The following CYP19A1 variants were observed in gnomAD, a reference collection of about 807,000 sequenced individuals.
CYP19A1 encodes cytochrome P450 family 19 subfamily A member 1, also known as aromatase.
CYP19A1 carries 32 observed loss-of-function variants against 44.4 expected under a neutral mutation model. The ratio of observed to expected loss-of-function variants is 0.72; its 90% confidence interval spans 0.54 to 0.97. The LOEUF (loss-of-function observed/expected upper bound fraction) is 0.97, where lower values mean the gene tolerates loss of function less well. Among genes scored for constraint, CYP19A1 ranks in the 50% least tolerant of loss-of-function variants. CYP19A1 has a pLI of 0.00. For synonymous variants in CYP19A1, 212 were observed against 215.6 expected (o/e 0.98, Z 0.14); for missense variants, 598 against 637.8 (o/e 0.94, Z 0.67).
At chr15:51,254,916 T>C (rs992530754) in intron 1 of CYP19A1, among the ~76,000 whole-genome samples, 1 of 152,176 alleles carries the variant, frequency 6.6e-6, no homozygotes, top group South Asian at 2.1e-4. Context: ...TTACTTAATA[T>C]GTGCTCATTT....
intron 1 of CYP19A1, among the ~76,000 whole-genome samples, chr15:51,276,846 T>C (rs2035326607): frequency 1.3e-5 from 2 of 152,242 alleles, no homozygotes; most frequent in South Asian, 4.1e-4. Context: ...GAGGTGCCTT[T>C]GCTTAGAGGA....
intron 1 of CYP19A1, among the ~76,000 whole-genome samples, chr15:51,246,602 CAG>C (rs548887300): frequency 2.5e-4 from 38 of 152,318 alleles, no homozygotes; most frequent in African/African-American, 8.7e-4. Flanking sequence ...CAGCAGAGCC[CAG>C]GTGTCCTGAT....
intron 1 of CYP19A1, among the ~76,000 whole-genome samples, chr15:51,252,249 A>C (rs2034342421): frequency 6.6e-6 from 1 of 152,052 alleles, no homozygotes; most frequent in South Asian, 2.1e-4. Flanking sequence ...GCTCTGGAGA[A>C]ACACACTCGG....
intron 1 of CYP19A1, among the ~76,000 whole-genome samples, chr15:51,302,687 C>G (rs1047731818): frequency 6.6e-6 from 1 of 152,244 alleles, no homozygotes; most frequent in East Asian, 1.9e-4. Context: ...CACCTCCAAT[C>G]TCTGCCTGTG....
At chr15:51,269,237 T>C (rs538743170) in intron 1 of CYP19A1, among the ~76,000 whole-genome samples, 1 of 152,274 alleles carries the variant, frequency 6.6e-6, no homozygotes, top group African/African-American at 2.4e-5. Context: ...ATTTTTTCTT[T>C]CTTATGGATA....
At chr15:51,238,707 C>T (rs746749503) in intron 2 of CYP19A1, among the ~76,000 whole-genome samples, 9 of 152,232 alleles carry the variant, frequency 5.9e-5, no homozygotes, top group Middle Eastern at 3.4e-3. Context: ...TAAGCTGTGA[C>T]GCAGGAGAGA....
chr15:51,265,454 T>G (rs994138091), intron 1 of CYP19A1, among the ~76,000 whole-genome samples: 1 of 152,094 alleles, frequency 6.6e-6, no homozygotes, highest in African/African-American at 2.4e-5. Context: ...TGGGGACAGA[T>G]AGAAAGTCTC....
At chr15:51,245,212 G>A (rs1220206739) in intron 1 of CYP19A1, among the ~76,000 whole-genome samples, 1 of 152,188 alleles carries the variant, frequency 6.6e-6, no homozygotes, top group Non-Finnish European at 1.5e-5. Context: ...GACTGTTTGT[G>A]TGTCTAAAAT....
chr15:51,245,323 A>T (rs185024159), intron 1 of CYP19A1, among the ~76,000 whole-genome samples: 1 of 152,288 alleles, frequency 6.6e-6, no homozygotes, highest in Non-Finnish European at 1.5e-5. Context: ...GGGTAAGAAT[A>T]TATTTTATTT....
chr15:51,281,301 T>C (rs1386567337), intron 1 of CYP19A1, among the ~76,000 whole-genome samples: 2 of 152,194 alleles, frequency 1.3e-5, no homozygotes, highest in Non-Finnish European at 2.9e-5. Flanking sequence ...GAAACATGAC[T>C]GACTAGGTAA....
intron 1 of CYP19A1, among the ~76,000 whole-genome samples, chr15:51,269,384 AT>A (rs2035043849): frequency 6.6e-6 from 1 of 151,862 alleles, no homozygotes; most frequent in African/African-American, 2.4e-5. Context: ...CTATATGTTT[AT>A]TTTTTGCCAA....
intron 1 of CYP19A1, among the ~76,000 whole-genome samples, chr15:51,333,840 G>A (rs1223805864): frequency 6.6e-6 from 1 of 152,154 alleles, no homozygotes; most frequent in Non-Finnish European, 1.5e-5. Context: ...GGAGAGGTGA[G>A]GCATATCTAT....
chr15:51,306,060 C>T (rs1318997906), intron 1 of CYP19A1, among the ~76,000 whole-genome samples: 1 of 152,086 alleles, frequency 6.6e-6, no homozygotes, highest in Admixed American at 6.5e-5. Flanking sequence ...GCAAAGAAAA[C>T]CTGCTCTCCT....
At position 51,317,405 on chromosome 15, in the gene CYP19A1, G is replaced by A. The variant is rs144828385; in HGVS notation, c.-39+21090C>T. 7.9e-5 allele frequency among the ~76,000 whole-genome samples: 12 copies of A among 152,174 alleles called. No homozygotes were observed. In the East Asian group the frequency reaches 1.7e-3, roughly 22 times the overall value. ...ATTACAGGCGTGAGCCACTGCGCCC[G>A]GCAAGAGAAAAATCACTTCTAACTT... is the stretch of plus-strand genomic sequence containing the variant. On this transcript the variant is annotated intron_variant, in intron 1 of 9. Transcript: ENST00000396402.
At chr15:51,279,588 C>A (rs1453012913) in intron 1 of CYP19A1, among the ~76,000 whole-genome samples, 1 of 152,216 alleles carries the variant, frequency 6.6e-6, no homozygotes, top group Non-Finnish European at 1.5e-5. Flanking sequence ...TGACTTCCCC[C>A]AAACCAAGCT....
intron 1 of CYP19A1, among the ~76,000 whole-genome samples, chr15:51,323,523 C>G (rs185772266): frequency 1.3e-5 from 2 of 148,576 alleles, no homozygotes; most frequent in East Asian, 3.9e-4. Flanking sequence ...ACCATGTGGT[C>G]TTGGGAAATT....
chr15:51,243,157 C>T (rs1420269363), intron 1 of CYP19A1: 1 of 493,898 alleles, frequency 2.0e-6, no homozygotes, highest in Middle Eastern at 5.9e-4. Flanking sequence ...GCATTTCTGA[C>T]CTTGGTAGAG....
At chr15:51,254,924 T>G (rs969933012) in intron 1 of CYP19A1, among the ~76,000 whole-genome samples, 1 of 152,134 alleles carries the variant, frequency 6.6e-6, no homozygotes, top group African/African-American at 2.4e-5. Context: ...TATGTGCTCA[T>G]TTGTGGCTGA....
At position 51,212,555 on chromosome 15, in the gene CYP19A1, C is replaced by G; in HGVS notation, c.1028G>C (p.Arg343Thr). Residue 343 changes from arginine to threonine, a missense_variant, in exon 9 of 10, where the codon AGA (arginine) becomes ACA (threonine). Physicochemically the swap from Arg to Thr is moderately conservative, Grantham distance 71. Transcript: ENST00000396402. Reference sequence around the variant, plus strand: ...TTGTATATCATCAATCTTTATGTCTCTCTCACCTGTGGAAACAGATAAAAG... The same window carrying G: ...TTGTATATCATCAATCTTTATGTCTGTCTCACCTGTGGAAACAGATAAAAG... ...IKEIQTVIGE[R>T]DIKIDDIQKL... 2 of 1,481,882 alleles carry G rather than the reference C, an allele frequency of 1.3e-6. No individual in the cohort carries two copies. The highest frequency in any genetic ancestry group is 1.9e-6 in the Non-Finnish European group (2 of 1,059,270). The allele number at this position is 1,481,882 out of a possible 1,614,324, so 91.8% of individuals were successfully genotyped here.
Sources: gnomAD v4.1 joint callset for allele counts (sites outside exome capture counted in the v4.1 genomes callset) on GRCh38, gnomAD v4.1.1 for gene constraint, MANE v1.5 for transcripts, NCBI Gene and HGNC (gene_info 2026-07-23, HGNC 2026-07-21) for gene names.